The following PLXNB2 variants were observed in gnomAD, a reference collection of about 807,000 sequenced individuals.
PLXNB2 encodes the protein plexin B2, also known as plexin-B2.
Under a neutral mutation model 202.6 loss-of-function variants are expected in PLXNB2, and 85 were observed. The ratio of observed to expected loss-of-function variants is 0.42; its 90% CI spans 0.35 to 0.50. The LOEUF (loss-of-function observed/expected upper bound fraction) is 0.50. Ranked by LOEUF, PLXNB2 falls within the 20% of genes least tolerant of loss-of-function variation. The probability of loss-of-function intolerance (pLI) is 0.02; values close to 1 mark genes in which losing one functional copy is unlikely to be tolerated. For synonymous variants in PLXNB2, 1,239 were observed against 1,137.6 expected (o/e 1.09, Z -1.79); for missense variants, 2,063 against 2,586.2 (o/e 0.80, Z 4.39).
intron 1 of PLXNB2, among the ~76,000 whole-genome samples, chr22:50,301,086 G>T (rs1038734172): frequency 6.6e-6 from 1 of 152,170 alleles, no homozygotes; most frequent in Non-Finnish European, 1.5e-5. Context: ...CAGTTGTGAG[G>T]CCCTCCTCAG....
Position 50,277,868 on chromosome 22 carries a change from A to G in PLXNB2, c.5033T>C (p.Ile1678Thr). The change falls in exon 32 of 37, where the codon ATC (isoleucine) becomes ACC (threonine). Residue 1678 changes from isoleucine to threonine, a missense_variant. Around this residue, in one of 2 missense-constraint regions of PLXNB2, gnomAD observed 760 missense variants for 1,109.4 expected, o/e 0.69. Transcript: ENST00000359337. ...GGAGCCTCACCTGTTCGTCTTCCAG[A>G]TGTGGATGGTGTCTTCATCCTGGAT... is the stretch of plus-strand genomic sequence containing the variant. ...HNIQDEDTIH[I>T]WKTNSLPLRF... 1 of 1,613,004 alleles carries G rather than the reference A, an allele frequency of 6.2e-7. No homozygotes were observed. Among genetic ancestry groups the G allele is most frequent in the Non-Finnish European group, 8.5e-7 (1 of 1,179,870 alleles).
Position 50,300,386 on chromosome 22 carries a change from C to A in PLXNB2, c.-73-5608G>T, listed in dbSNP as rs1452580569. The A allele has an allele frequency of 9.7e-6, 9 of 930,968 alleles. No individual in the cohort carries two copies. The African/African-American group carries it at 1.4e-4, about 15-fold the overall frequency. The allele number at this position is 930,968 out of a possible 1,614,324, so 57.7% of individuals were successfully genotyped here. On this transcript the variant is annotated intron_variant, in intron 1 of 36. Coordinates refer to ENST00000359337, the MANE Select transcript of PLXNB2 (RefSeq NM_012401.4). ...CCGCCGATGGTGGCTCCGCCCGTGC[C>A]CCCGGTCGGTCTCAGGGCTCGGCCC...
chr22:50,287,577 C>T (rs1202400731), intron 7 of PLXNB2, 90 bp downstream of exon 7: 1 of 1,294,006 alleles, frequency 7.7e-7, no homozygotes, highest in Non-Finnish European at 1.0e-6. Flanking sequence ...TGGAGCCCTC[C>T]CCTGCCTGTC....
chr22:50,285,698 C>T (rs2066397581), intron 11 of PLXNB2, 102 bp downstream of exon 11: 2 of 726,938 alleles, frequency 2.8e-6, no homozygotes, highest in Non-Finnish European at 4.8e-6. Flanking sequence ...TGTCACCGGC[C>T]GGCACCCCTC....
rs2066717663 is a variant in PLXNB2 at position 50,289,503 on chromosome 22, A to G, written c.1068+14T>C. On this transcript the variant is annotated intron_variant, in intron 3 of 36. Transcript: ENST00000359337. This position sits in a 1 kb window ranked among gnomAD's most constrained non-coding sequence, Gnocchi z 8.0. ...TGCAGTCCGGGCCCTGCGAGAACAC[A>G]CTGAGGCCCATACCGGCGCGTGGCC... 6.3e-7 allele frequency: 1 copy of G among 1,598,012 alleles called. No individual in the cohort carries two copies. The highest frequency in any genetic ancestry group is 1.7e-5 in the Admixed American group (1 of 58,426).
chr22:50,281,322 G>A (rs28718385), intron 22 of PLXNB2, 38 bp downstream of exon 22: 1 of 1,607,144 alleles, frequency 6.2e-7, no homozygotes, highest in Non-Finnish European at 8.5e-7. Context: ...GGAGGGCCGA[G>A]GGCTCAGGGT....
Position 50,277,105 on chromosome 22 carries a change from G to A in PLXNB2, c.5197-199C>T, listed in dbSNP as rs574795638. ...GCAGATCACCTGAGGTCAGGGGTTC[G>A]AGACCAGCCTGCCCAACATGGTGAA... On this transcript the variant is annotated intron_variant, in intron 33 of 36. Coordinates refer to ENST00000359337, the MANE Select transcript of PLXNB2 (RefSeq NM_012401.4). Among the ~76,000 whole-genome samples, 24 of 152,212 alleles carry A rather than the reference G, an allele frequency of 1.6e-4. 1 individual carries two copies. Among genetic ancestry groups the A allele is most frequent in the Middle Eastern group, 6.8e-3 (2 of 294 alleles).
intron 32 of PLXNB2, 24 bp from the exon 33 acceptor site, chr22:50,277,762 A>G (rs1478578920): frequency 6.3e-7 from 1 of 1,593,898 alleles, no homozygotes; most frequent in Admixed American, 1.7e-5. Context: ...GCAGGGAATG[A>G]GAGCCGGGGC....
intron 1 of PLXNB2, among the ~76,000 whole-genome samples, chr22:50,305,088 C>T (rs752029511): frequency 6.6e-6 from 1 of 152,344 alleles, no homozygotes; most frequent in East Asian, 1.9e-4. Context: ...AGAGAAGGCA[C>T]AATATGAGGG....
At chr22:50,304,374 A>C (rs1272174446) in intron 1 of PLXNB2, among the ~76,000 whole-genome samples, 3 of 152,156 alleles carry the variant, frequency 2.0e-5, no homozygotes, top group Non-Finnish European at 2.9e-5. Context: ...CAATCCCTTC[A>C]CACGCTTGGT....
chr22:50,285,327 G>A (rs2066357344), intron 11 of PLXNB2, among the ~76,000 whole-genome samples: 1 of 55,042 alleles, frequency 1.8e-5, no homozygotes, highest in Non-Finnish European at 3.6e-5. Flanking sequence ...CCTGTCACCG[G>A]CCGGCACCCC....
intron 1 of PLXNB2, among the ~76,000 whole-genome samples, chr22:50,306,079 C>G (rs1004189308): frequency 6.6e-6 from 1 of 152,228 alleles, no homozygotes; most frequent in Non-Finnish European, 1.5e-5. Flanking sequence ...CCTCCCGCTT[C>G]GGGTGACTGG....
At chr22:50,281,315 G>A (rs755604981) in intron 22 of PLXNB2, 45 bp downstream of exon 22, 7 of 1,604,150 alleles carry the variant, frequency 4.4e-6, no homozygotes, top group Middle Eastern at 1.7e-4. Context: ...CGAGGCGGGA[G>A]GGCCGAGGGC....
chr22:50,299,738 G>A (rs1051822301), intron 1 of PLXNB2, among the ~76,000 whole-genome samples: 36 of 152,200 alleles, frequency 2.4e-4, no homozygotes, highest in African/African-American at 8.4e-4. Context: ...CGGCGGCCCC[G>A]CCACCCAGCC....
At position 50,288,119 on chromosome 22, in the gene PLXNB2, G is replaced by T; in HGVS notation, c.1381-82C>A. ...GACCCCAGATGTCCCCAGACCGCCA[G>T]CTTGACCCAGCTCTGTCCCGGGGCC... On this transcript the variant is annotated intron_variant, in intron 5 of 36. Transcript: ENST00000359337. The surrounding 1 kb of genome is among the most constrained non-coding windows in gnomAD (Gnocchi z 5.0). 9.6e-7 allele frequency: 1 copy of T among 1,042,742 alleles called. No homozygotes were observed. The highest frequency in any genetic ancestry group is 1.4e-6 in the Non-Finnish European group (1 of 698,024). 64.6% of individuals were successfully genotyped at this position (1,042,742 alleles called of 1,614,324 possible).
chr22:50,294,473 CA>C (rs2067117746), intron 2 of PLXNB2, among the ~76,000 whole-genome samples: 1 of 152,052 alleles, frequency 6.6e-6, no homozygotes, highest in Non-Finnish European at 1.5e-5. Flanking sequence ...TCCACCTGAG[CA>C]AAAGCTTGGC....
At chr22:50,282,582 G>T in intron 18 of PLXNB2, 129 bp downstream of exon 18, 1 of 712,926 alleles carries the variant, frequency 1.4e-6, no homozygotes, top group Non-Finnish European at 2.2e-6. Context: ...GTGCAGTGGG[G>T]TTTTCCGGAG....
At chr22:50,306,740 C>G (rs993065916) in intron 1 of PLXNB2, among the ~76,000 whole-genome samples, 1 of 152,060 alleles carries the variant, frequency 6.6e-6, no homozygotes, top group South Asian at 2.1e-4. Context: ...CACCCCCTGT[C>G]CTGACTCTGC....
chr22:50,292,113 G>A (rs974723257), intron 2 of PLXNB2, among the ~76,000 whole-genome samples: 1 of 152,108 alleles, frequency 6.6e-6, no homozygotes. Context: ...CGAGGCGGGC[G>A]GATCACGAGG....
Sources: gnomAD v4.1 joint callset for allele counts (sites outside exome capture counted in the v4.1 genomes callset) on GRCh38, gnomAD v4.1.1 for gene constraint, gnomAD v4.1.1 regional missense constraint, Gnocchi (gnomAD v3.1) non-coding constraint, MANE v1.5 for transcripts, NCBI Gene and HGNC (gene_info 2026-07-23, HGNC 2026-07-21) for gene names.